Variants in DIAPH2 observed in about 807,000 individuals in gnomAD.
The protein encoded by DIAPH2 is protein diaphanous homolog 2.
DIAPH2 carries 35 observed loss-of-function variants against 92.7 expected under a neutral mutation model. That is an observed-to-expected ratio of 0.38 (90% CI 0.29 to 0.50). DIAPH2 has a LOEUF of 0.50. DIAPH2 is among the 20% of genes least tolerant of loss of function. DIAPH2 has a pLI of 0.94. For missense variants in DIAPH2, 701 were observed against 819.5 expected (o/e 0.86, Z 1.77); for synonymous variants, 301 against 280.4 (o/e 1.07, Z -0.73).
chrX:97,155,929 A>G (rs1481998524), intron 22 of DIAPH2, among the ~76,000 whole-genome samples: 1 of 112,414 alleles, frequency 8.9e-6, no homozygotes, highest in Non-Finnish European at 1.9e-5. Flanking sequence ...AAGTGATTTC[A>G]GGAAGTGGAT....
chrX:97,561,423 T>C (rs767087804), intron 26 of DIAPH2, among the ~76,000 whole-genome samples: 2 of 112,529 alleles, frequency 1.8e-5, no homozygotes, highest in South Asian at 3.7e-4. Flanking sequence ...TTTTCAGTTG[T>C]TGGCTTTTCT....
chrX:96,899,762 A>C (rs1330989838), intron 5 of DIAPH2, among the ~76,000 whole-genome samples: 1 of 109,408 alleles, frequency 9.1e-6, no homozygotes, highest in Admixed American at 9.8e-5. Context: ...TTCCAACACT[A>C]TGTTGAATAG....
intron 22 of DIAPH2, among the ~76,000 whole-genome samples, chrX:97,178,130 G>A (rs746061293): frequency 5.2e-4 from 57 of 110,224 alleles, no homozygotes; most frequent in African/African-American, 1.7e-3. Context: ...GGGGCCTTGG[G>A]GGGAATGCTG....
At chrX:96,866,434 C>A (rs1351502006) in intron 4 of DIAPH2, among the ~76,000 whole-genome samples, 2 of 111,664 alleles carry the variant, frequency 1.8e-5, no homozygotes, top group African/African-American at 6.5e-5. Context: ...GAGTGTTTTG[C>A]CCTTAATTGT....
intron 21 of DIAPH2, among the ~76,000 whole-genome samples, chrX:97,134,525 T>C (rs1477000593): frequency 1.8e-5 from 2 of 111,102 alleles, no homozygotes; most frequent in African/African-American, 6.5e-5. Flanking sequence ...TCAGAAGTTT[T>C]CCCCTAGTAT....
At chrX:96,770,245 A>G (rs1043801572) in intron 4 of DIAPH2, among the ~76,000 whole-genome samples, 29 of 111,270 alleles carry the variant, frequency 2.6e-4, no homozygotes, top group Admixed American at 2.6e-3. Flanking sequence ...AAAATAATAA[A>G]TTTAGTGTTA....
chrX:97,087,471 G>A (rs902223815), intron 19 of DIAPH2, among the ~76,000 whole-genome samples: 4 of 111,124 alleles, frequency 3.6e-5, no homozygotes, highest in African/African-American at 6.5e-5. Flanking sequence ...TCTACTCTTC[G>A]GCGGTTTATA....
chrX:97,365,692 T>TC (rs1259950761), intron 24 of DIAPH2, among the ~76,000 whole-genome samples: 1 of 108,981 alleles, frequency 9.2e-6, no homozygotes, highest in Admixed American at 9.9e-5. Flanking sequence ...CTTTTTTTTT[T>TC]CATTTTTTTT....
intron 26 of DIAPH2, among the ~76,000 whole-genome samples, chrX:97,554,656 A>T: frequency 1.8e-5 from 2 of 112,066 alleles, no homozygotes; most frequent in Middle Eastern, 9.2e-3. Flanking sequence ...CAGATTCAGG[A>T]ATACCTACAT....
At chrX:97,388,325 G>A (rs2069621098) in intron 25 of DIAPH2, among the ~76,000 whole-genome samples, 1 of 111,670 alleles carries the variant, frequency 9.0e-6, no homozygotes, top group South Asian at 3.8e-4. Context: ...AAAAATACCA[G>A]TGATATTGAA....
chrX:97,464,620 G>A (rs1381600976), intron 26 of DIAPH2, among the ~76,000 whole-genome samples: 1 of 111,369 alleles, frequency 9.0e-6, no homozygotes, highest in East Asian at 2.8e-4. Context: ...TGGCCAATCA[G>A]CCAGAGCAGA....
At chrX:97,035,266 G>A (rs1266991588) in intron 17 of DIAPH2, among the ~76,000 whole-genome samples, 1 of 111,720 alleles carries the variant, frequency 9.0e-6, no homozygotes, top group Non-Finnish European at 1.9e-5. Flanking sequence ...CTTGATCTAT[G>A]GGACGCCTTC....
At chrX:97,516,111 G>C (rs539237476) in intron 26 of DIAPH2, among the ~76,000 whole-genome samples, 1 of 110,461 alleles carries the variant, frequency 9.1e-6, no homozygotes, top group Non-Finnish European at 1.9e-5. Context: ...AATTAGCTGG[G>C]TGTGGTGGCA....
At chrX:97,113,063 A>G (rs1014858826) in intron 20 of DIAPH2, among the ~76,000 whole-genome samples, 8 of 110,430 alleles carry the variant, frequency 7.2e-5, no homozygotes, top group Non-Finnish European at 1.3e-4. Flanking sequence ...TACAGGCCTC[A>G]GCCACCGCGC....
At chrX:97,176,419 T>C (rs766581749) in intron 22 of DIAPH2, among the ~76,000 whole-genome samples, 29 of 112,658 alleles carry the variant, frequency 2.6e-4, no homozygotes, top group African/African-American at 8.7e-4. Context: ...AAGCAAACTT[T>C]GATTCTAGAT....
intron 23 of DIAPH2, among the ~76,000 whole-genome samples, chrX:97,252,485 G>A (rs932804799): frequency 1.8e-5 from 2 of 111,569 alleles, no homozygotes; most frequent in Non-Finnish European, 3.8e-5. Flanking sequence ...CAGATTTGGG[G>A]TCTTCACTGC....
chrX:96,773,544 T>C (rs2064354684), intron 4 of DIAPH2, among the ~76,000 whole-genome samples: 1 of 111,248 alleles, frequency 9.0e-6, no homozygotes, highest in Admixed American at 9.6e-5. Context: ...TCTTGGACTT[T>C]TAATGTCAAG....
chrX:97,014,139 T>G (rs2066245277), intron 17 of DIAPH2, among the ~76,000 whole-genome samples: 1 of 111,362 alleles, frequency 9.0e-6, no homozygotes, highest in South Asian at 3.8e-4. Context: ...TTTCTAAGAT[T>G]GTCAGTGAGG....
chrX:97,157,287 C>T (rs1307366412), intron 22 of DIAPH2, among the ~76,000 whole-genome samples: 1 of 109,203 alleles, frequency 9.2e-6, no homozygotes, highest in African/African-American at 3.3e-5. Flanking sequence ...GCACTCCAGC[C>T]TGGGCAACAA....
Sources: gnomAD v4.1 joint callset for allele counts (sites outside exome capture counted in the v4.1 genomes callset) on GRCh38, gnomAD v4.1.1 for gene constraint, MANE v1.5 for transcripts, NCBI Gene and HGNC (gene_info 2026-07-23, HGNC 2026-07-21) for gene names.